Variants in ADAMTSL1 observed in about 807,000 individuals in gnomAD.
ADAMTSL1 encodes the protein ADAMTS like 1, also known as ADAMTS-like protein 1.
Under a neutral mutation model 201.8 loss-of-function variants are expected in ADAMTSL1, and 126 were observed. That is an observed-to-expected ratio of 0.62 (90% CI 0.54 to 0.72). The LOEUF (loss-of-function observed/expected upper bound fraction) is 0.72. ADAMTSL1 is among the 30% of genes least tolerant of loss of function. The pLI, the probability that ADAMTSL1 is intolerant of heterozygous loss-of-function variation, is 0.00. For missense variants in ADAMTSL1, 2,679 were observed against 2,277.8 expected, an observed-to-expected ratio of 1.18 and a Z score of -3.59; for synonymous variants, 1,121 against 903.4, an observed-to-expected ratio of 1.24 and a Z score of -4.32.
intron 1 of ADAMTSL1, among the ~76,000 whole-genome samples, chr9:17,907,918 T>C (rs1427828515): frequency 1.3e-5 from 2 of 152,198 alleles, no homozygotes; most frequent in African/African-American, 2.4e-5. Flanking sequence ...CAAATACTCT[T>C]GGCCGGAATT....
chr9:18,175,101 C>G (rs1000087013), intron 2 of ADAMTSL1, among the ~76,000 whole-genome samples: 4 of 152,126 alleles, frequency 2.6e-5, no homozygotes, highest in Non-Finnish European at 4.4e-5. Flanking sequence ...ATTTATAGAG[C>G]TGAAAACCTG....
At chr9:18,166,289 C>T (rs1467684436) in intron 2 of ADAMTSL1, among the ~76,000 whole-genome samples, 1 of 151,878 alleles carries the variant, frequency 6.6e-6, no homozygotes, top group East Asian at 1.9e-4. Context: ...AGGGTTTAAT[C>T]ACAAATGAAT....
At chr9:18,518,093 G>A (rs906938140) in intron 2 of ADAMTSL1, among the ~76,000 whole-genome samples, 2 of 152,206 alleles carry the variant, frequency 1.3e-5, no homozygotes, top group African/African-American at 4.8e-5. Flanking sequence ...AGATTCTGCA[G>A]CTCAGAGACC....
chr9:18,518,193 T>C (rs1466155607), intron 2 of ADAMTSL1, among the ~76,000 whole-genome samples: 1 of 151,324 alleles, frequency 6.6e-6, no homozygotes, highest in Non-Finnish European at 1.5e-5. Flanking sequence ...TGCATGTTTA[T>C]TACATGGGTA....
At chr9:18,022,400 C>G (rs1820517032) in intron 1 of ADAMTSL1, among the ~76,000 whole-genome samples, 1 of 152,138 alleles carries the variant, frequency 6.6e-6, no homozygotes, top group South Asian at 2.1e-4. Flanking sequence ...GTGGACACCC[C>G]ACACTATCTT....
chr9:18,306,515 G>C (rs1489886768), intron 2 of ADAMTSL1, among the ~76,000 whole-genome samples: 1 of 152,138 alleles, frequency 6.6e-6, no homozygotes, highest in Non-Finnish European at 1.5e-5. Context: ...TGATGGAGCT[G>C]AAAAACACAG....
At chr9:18,413,032 A>G (rs1728102632) in intron 2 of ADAMTSL1, among the ~76,000 whole-genome samples, 1 of 152,212 alleles carries the variant, frequency 6.6e-6, no homozygotes. Flanking sequence ...GTAGGCTCAT[A>G]GAAAAGTTAA....
chr9:18,416,488 TAAAG>T (rs908536793), intron 2 of ADAMTSL1, among the ~76,000 whole-genome samples: 20 of 152,072 alleles, frequency 1.3e-4, no homozygotes, highest in African/African-American at 4.8e-4. Flanking sequence ...TCAGATTGGA[TAAAG>T]AAAGTATTAC....
At chr9:18,231,328 G>C (rs1031425251) in intron 2 of ADAMTSL1, among the ~76,000 whole-genome samples, 4 of 151,980 alleles carry the variant, frequency 2.6e-5, no homozygotes, top group Admixed American at 2.6e-4. Context: ...AACTATCTTT[G>C]TCGAGATCAC....
At chr9:18,653,816 A>G (rs924269175) in intron 7 of ADAMTSL1, among the ~76,000 whole-genome samples, 1 of 152,252 alleles carries the variant, frequency 6.6e-6, no homozygotes, top group Non-Finnish European at 1.5e-5. Flanking sequence ...TAAAATTATC[A>G]GGTATTTCAA....
At chr9:17,966,532 T>C (rs1817984482) in intron 1 of ADAMTSL1, among the ~76,000 whole-genome samples, 3 of 152,178 alleles carry the variant, frequency 2.0e-5, no homozygotes, top group Non-Finnish European at 4.4e-5. Flanking sequence ...TATTTTTCTT[T>C]TTGTAGTTTT....
rs542842102 is a variant in ADAMTSL1, at chr9:18,087,735, A to G, written c.88-76127A>G. On this transcript the variant is annotated intron_variant, in intron 1 of 29. Transcript: ENST00000680146. ...AATATTTTATGATTTTTCTGTAAAA[A>G]GAAAGGTAGAAAATGTCTCTTTTAA... 3.3e-5 allele frequency among the ~76,000 whole-genome samples: 5 copies of G among 152,302 alleles called. 1 individual carries two copies. The South Asian group carries it at 6.2e-4, about 19-fold the overall frequency.
chr9:18,315,851 C>T (rs181642803), intron 2 of ADAMTSL1, among the ~76,000 whole-genome samples: 342 of 152,324 alleles, frequency 2.2e-3, no homozygotes, highest in Middle Eastern at 6.8e-3. Flanking sequence ...GCGCAGAGAG[C>T]GAGCGAGGGC....
At chr9:18,425,698 TA>T (rs979948907) in intron 2 of ADAMTSL1, among the ~76,000 whole-genome samples, 75 of 147,558 alleles carry the variant, frequency 5.1e-4, no homozygotes, top group South Asian at 3.0e-3. Flanking sequence ...TAAATAAGTT[TA>T]AAAAAAAAAT....
At chr9:17,937,755 C>G (rs1827075951) in intron 1 of ADAMTSL1, among the ~76,000 whole-genome samples, 1 of 152,126 alleles carries the variant, frequency 6.6e-6, no homozygotes, top group African/African-American at 2.4e-5. Context: ...TAAAACACTC[C>G]TCTACCAACA....
chr9:18,786,523 G>A (rs544917010), intron 19 of ADAMTSL1, among the ~76,000 whole-genome samples: 42 of 152,288 alleles, frequency 2.8e-4, no homozygotes, highest in Middle Eastern at 3.4e-3. Context: ...TCTGCCCTTC[G>A]GACTAGCAGA....
At chr9:18,404,742 C>A (rs1818118839) in intron 2 of ADAMTSL1, among the ~76,000 whole-genome samples, 1 of 152,194 alleles carries the variant, frequency 6.6e-6, no homozygotes, top group African/African-American at 2.4e-5. Context: ...GGGGTTTTCA[C>A]TGGATTTCTA....
At chr9:18,610,536 G>T (rs1471724603) in intron 4 of ADAMTSL1, among the ~76,000 whole-genome samples, 1 of 152,146 alleles carries the variant, frequency 6.6e-6, no homozygotes. Flanking sequence ...AGGAAAAAGG[G>T]TTATATTTGT....
intron 19 of ADAMTSL1, among the ~76,000 whole-genome samples, chr9:18,792,335 G>A (rs1167627316): frequency 6.6e-6 from 1 of 152,184 alleles, no homozygotes; most frequent in African/African-American, 2.4e-5. Context: ...CTGGATTTTA[G>A]AAGTTGGTAA....
Sources: gnomAD v4.1 joint callset for allele counts (sites outside exome capture counted in the v4.1 genomes callset) on GRCh38, gnomAD v4.1.1 for gene constraint, MANE v1.5 for transcripts, NCBI Gene and HGNC (gene_info 2026-07-23, HGNC 2026-07-21) for gene names.